The following AKAP9 variants were observed in gnomAD, a reference collection of about 807,000 sequenced individuals.
The protein encoded by AKAP9 is A-kinase anchor protein 9.
In AKAP9, 311 loss-of-function variants were observed where a neutral mutation model predicts 488.5. The ratio of observed to expected loss-of-function variants is 0.64; its 90% CI spans 0.58 to 0.70. AKAP9 has a LOEUF of 0.70. AKAP9 is among the 30% of genes least tolerant of loss of function. AKAP9 has a pLI of 0.00. For synonymous variants in AKAP9, 1,462 were observed against 1,483.5 expected (o/e 0.99, Z 0.33); for missense variants, 4,215 against 4,374.5 (o/e 0.96, Z 1.03).
At chr7:92,030,607 A>C (rs1804060542) in intron 15 of AKAP9, among the ~76,000 whole-genome samples, 1 of 144,592 alleles carries the variant, frequency 6.9e-6, no homozygotes, top group Non-Finnish European at 1.5e-5. Flanking sequence ...GCACCACTGC[A>C]CTCCAGCCTG....
At chr7:91,989,245 T>A (rs540512869) in intron 3 of AKAP9, among the ~76,000 whole-genome samples, 1 of 152,296 alleles carries the variant, frequency 6.6e-6, no homozygotes, top group Admixed American at 6.5e-5. Flanking sequence ...TGTTCTTGAC[T>A]TCTGTGACTA....
At chr7:91,945,219 A>G (rs369778644) in intron 1 of AKAP9, among the ~76,000 whole-genome samples, 64 of 152,282 alleles carry the variant, frequency 4.2e-4, no homozygotes, top group African/African-American at 1.4e-3. Flanking sequence ...TATAAAAAAC[A>G]AAACAGGTGG....
In AKAP9 at chr7:92,084,657, G is replaced by T. The variant is rs753660375; in HGVS notation, c.8664G>T (p.Glu2888Asp). 3 of 1,609,800 alleles carry T rather than the reference G, an allele frequency of 1.9e-6. No individual in the cohort carries two copies. In the East Asian group the frequency reaches 6.7e-5, roughly 36 times the overall value. Residue 2888 changes from glutamate (E) to aspartate (D), a missense_variant, in exon 34 of 50, where the codon GAG (glutamate) becomes GAT (aspartate). Glu to Asp is a conservative substitution (Grantham distance 45). This residue lies in a region of AKAP9 where 1,476 missense variants were observed against 1,477.4 expected (regional missense o/e 1.00). Coordinates refer to ENST00000356239, the MANE Select transcript of AKAP9 (RefSeq NM_005751.5). Reference protein sequence around the residue: ...LRSKEGSSIPELAHSDAYQTR... With the variant: ...LRSKEGSSIPDLAHSDAYQTR... ...CTAATTAGGGATCCTCAATTCCTGA[G>T]CTAGCACATTCTGATGCTTACCAGA...
rs1810595507 is a variant in AKAP9, at chr7:92,065,332, G to A, written c.6079G>A (p.Glu2027Lys). ...CCTTCAAAAACAAGTGAAAGCTCTA[G>A]AAATAGATGTGGAAGAACAAGTCAG... is the stretch of plus-strand genomic sequence containing the variant. ...DDLQKQVKALEIDVEEQVSRF... is the reference protein window; with the variant it reads ...DDLQKQVKALKIDVEEQVSRF... Residue 2027 changes from glutamate (E) to lysine (K), a missense_variant, in exon 25 of 50, where the codon GAA becomes AAA. This residue lies in a region of AKAP9 where 2,361 missense variants were observed against 2,430.0 expected (regional missense o/e 0.97). Transcript: ENST00000356239. 5 of 1,612,984 alleles carry A rather than the reference G, an allele frequency of 3.1e-6. No homozygotes were observed. Among genetic ancestry groups the A allele is most frequent in the Non-Finnish European group, 4.2e-6 (5 of 1,179,468 alleles).
intron 27 of AKAP9, 93 bp from the exon 28 acceptor site, chr7:92,070,806 CAAAAAA>C (rs34613656): frequency 4.6e-5 from 21 of 457,698 alleles, no homozygotes; most frequent in Middle Eastern, 6.6e-4. Flanking sequence ...TGCTGCTTCT[CAAAAAA>C]AAAAAAAAAA....
At chr7:92,059,606 G>C (rs563619852) in intron 22 of AKAP9, among the ~76,000 whole-genome samples, 2 of 151,048 alleles carry the variant, frequency 1.3e-5, no homozygotes, top group Non-Finnish European at 1.5e-5. Flanking sequence ...TAAATTCTTT[G>C]TTATATCCTT....
chr7:92,059,636 C>CA (rs768937139), intron 22 of AKAP9, among the ~76,000 whole-genome samples: 9 of 149,578 alleles, frequency 6.0e-5, no homozygotes, highest in South Asian at 2.1e-4. Context: ...TTAAAAAAGA[C>CA]AAAAAAAAGC....
intron 1 of AKAP9, among the ~76,000 whole-genome samples, chr7:91,958,142 T>TA (rs1244364681): frequency 2.0e-5 from 3 of 152,242 alleles, no homozygotes; most frequent in African/African-American, 7.2e-5. Flanking sequence ...TGATGATGGA[T>TA]ACCTGATGTC....
chr7:92,090,807 A>G (rs1815410912), intron 38 of AKAP9, among the ~76,000 whole-genome samples: 1 of 152,210 alleles, frequency 6.6e-6, no homozygotes, highest in Non-Finnish European at 1.5e-5. Context: ...GTATATGACT[A>G]AGAGCAGAAT....
intron 17 of AKAP9, among the ~76,000 whole-genome samples, chr7:92,040,261 G>GT (rs1805849066): frequency 6.6e-6 from 1 of 152,118 alleles, no homozygotes; most frequent in African/African-American, 2.4e-5. Context: ...TAAATGGGTA[G>GT]TTTCTCATGT....
rs1344474912 is a variant in AKAP9, at chr7:92,002,242, A to G, written c.2325A>G (p.Ala775=). 3.1e-6 allele frequency: 5 copies of G among 1,597,328 alleles called. No homozygotes were observed. The African/African-American group carries it at 6.8e-5, about 22-fold the overall frequency. The part of the protein sequence containing the change: ...DLQEKFAQLE[A]ENSILKDEKK... ...AAGAAAAATTTGCACAACTTGAAGC[A>G]GAGAATAGCATTCTTAAAGATGAAA... Residue 775 remains alanine (A), a synonymous_variant, in exon 8 of 50, where the codon GCA becomes GCG. Transcript: ENST00000356239.
chr7:92,040,663 T>TTTTTTTTTTA lies in AKAP9; in HGVS notation c.4693-11_4693-10insTTTTTTTTTA. 1 of 1,485,850 alleles carries TTTTTTTTTTA rather than the reference T, an allele frequency of 6.7e-7. No homozygotes were observed. The highest frequency in any genetic ancestry group is 9.2e-7 in the Non-Finnish European group (1 of 1,084,842). The allele number at this position is 1,485,850 out of a possible 1,614,324, so 92.0% of individuals were successfully genotyped here. Reference sequence around the variant, plus strand: ...GTTGAATTGTTTTTTTTTTTTTTTTTACTATTAAAGATTCATGATGAGATT... The same window carrying TTTTTTTTTTA: ...GTTGAATTGTTTTTTTTTTTTTTTTTTTTTTTTTTAACTATTAAAGATTCATGATGAGATT... On this transcript the variant is annotated splice_polypyrimidine_tract_variant and intron_variant, in intron 17 of 49. Transcript: ENST00000356239.
chr7:92,081,409 A>G (rs938267714), intron 31 of AKAP9, among the ~76,000 whole-genome samples: 2 of 150,042 alleles, frequency 1.3e-5, no homozygotes, highest in African/African-American at 2.4e-5. Flanking sequence ...GTTTCCAGCA[A>G]TTCTCCTGCC....
At position 92,016,884 on chromosome 7, in the gene AKAP9, C is replaced by T. The variant is rs7788092; in HGVS notation, c.3752-133C>T. 0.4 allele frequency: 259,083 copies of T among 644,374 alleles called. 55,074 individuals are homozygous for T. The highest frequency in any genetic ancestry group is 0.63 in the African/African-American group (34,237 of 54,546). The allele number at this position is 644,374 out of a possible 1,614,324, so 39.9% of individuals were successfully genotyped here. ...TTCACATGAATGAGATTTCAATTTT[C>T]AGTTACTAAATATCTGAGGTTTACT... On this transcript the variant is annotated intron_variant, in intron 11 of 49. Coordinates refer to ENST00000356239, the MANE Select transcript of AKAP9 (RefSeq NM_005751.5).
chr7:92,054,174 C>T (rs1484682464), intron 22 of AKAP9, among the ~76,000 whole-genome samples: 2 of 152,076 alleles, frequency 1.3e-5, no homozygotes, highest in Non-Finnish European at 2.9e-5. Context: ...CCATTGATTT[C>T]TTCAGAATAG....
intron 1 of AKAP9, among the ~76,000 whole-genome samples, chr7:91,957,947 A>G (rs1404525508): frequency 6.6e-6 from 1 of 152,198 alleles, no homozygotes. Flanking sequence ...CGTACAGCAC[A>G]TGCCAAGGGT....
chr7:91,941,735 G>T (rs960514455), intron 1 of AKAP9, among the ~76,000 whole-genome samples: 2 of 152,138 alleles, frequency 1.3e-5, no homozygotes, highest in African/African-American at 4.8e-5. Context: ...GAAGGTCTTT[G>T]TCATGGCATG....
At chr7:92,024,460 A>G (rs566049528) in intron 14 of AKAP9, among the ~76,000 whole-genome samples, 1 of 149,840 alleles carries the variant, frequency 6.7e-6, no homozygotes, top group African/African-American at 2.4e-5. Flanking sequence ...TATATTATAT[A>G]TATAACCAAA....
intron 11 of AKAP9, 72 bp downstream of exon 11, chr7:92,016,339 TTGATTA>T (rs1451991719): frequency 2.6e-6 from 3 of 1,139,508 alleles, no homozygotes; most frequent in Non-Finnish European, 2.5e-6. Context: ...ATTTTTACTT[TTGATTA>T]TGATTTAATC....
Sources: gnomAD v4.1 joint callset for allele counts (sites outside exome capture counted in the v4.1 genomes callset) on GRCh38, gnomAD v4.1.1 for gene constraint, gnomAD v4.1.1 regional missense constraint, MANE v1.5 for transcripts, NCBI Gene and HGNC (gene_info 2026-07-23, HGNC 2026-07-21) for gene names.